XYLT1: variants seen among roughly 807,000 people sequenced by gnomAD.
XYLT1 encodes the protein xylosyltransferase 1, also known as beta-D-xylosyltransferase 1.
A neutral mutation model predicts 91.3 loss-of-function variants in XYLT1; 36 were observed. That is an observed-to-expected ratio of 0.39 (90% CI 0.30 to 0.52). The LOEUF (loss-of-function observed/expected upper bound fraction) is 0.52, where lower values mean the gene tolerates loss of function less well. XYLT1 is among the 20% of genes least tolerant of loss of function. XYLT1 has a pLI of 0.68. For missense variants in XYLT1, 1,242 were observed against 1,284.5 expected, an observed-to-expected ratio of 0.97 and a Z score of 0.51; for synonymous variants, 588 against 532.0, an observed-to-expected ratio of 1.11 and a Z score of -1.45.
chr16:17,465,787 AT>A (rs1236782695), intron 1 of XYLT1, among the ~76,000 whole-genome samples: 18 of 152,170 alleles, frequency 1.2e-4, no homozygotes, highest in Non-Finnish European at 1.5e-4. Flanking sequence ...CATACCAAGA[AT>A]TTCCTTTTAA....
At chr16:17,464,697 T>G (rs1461825925) in intron 1 of XYLT1, among the ~76,000 whole-genome samples, 2 of 152,278 alleles carry the variant, frequency 1.3e-5, no homozygotes, top group East Asian at 3.9e-4. Context: ...ACATCATAAC[T>G]GCCATGCAGT....
intron 1 of XYLT1, among the ~76,000 whole-genome samples, chr16:17,449,959 G>A (rs770140164): frequency 3.9e-5 from 6 of 152,206 alleles, no homozygotes; most frequent in Non-Finnish European, 5.9e-5. Flanking sequence ...CCTATTGTGT[G>A]CCATTCACTG....
At chr16:17,138,302 G>T in intron 8 of XYLT1, 53 bp downstream of exon 8, 3 of 1,589,576 alleles carry the variant, frequency 1.9e-6, no homozygotes, top group Non-Finnish European at 2.6e-6. Context: ...TTCTGCAGAG[G>T]TTTGTTGGGA....
At chr16:17,348,777 C>T (rs2035180566) in intron 2 of XYLT1, among the ~76,000 whole-genome samples, 1 of 152,204 alleles carries the variant, frequency 6.6e-6, no homozygotes, top group African/African-American at 2.4e-5. Flanking sequence ...ATTCCATTAA[C>T]TAGAACCTGC....
At chr16:17,468,129 C>T (rs2036924441) in intron 1 of XYLT1, among the ~76,000 whole-genome samples, 1 of 152,168 alleles carries the variant, frequency 6.6e-6, no homozygotes, top group Non-Finnish European at 1.5e-5. Context: ...AGCCTGCCCC[C>T]TTCTGGTCTC....
intron 2 of XYLT1, among the ~76,000 whole-genome samples, chr16:17,275,974 G>A (rs2033966812): frequency 6.6e-6 from 1 of 152,100 alleles, no homozygotes; most frequent in Non-Finnish European, 1.5e-5. Context: ...AGAGGCGCCT[G>A]TAAATAAATA....
At chr16:17,204,577 G>A (rs1263836697) in intron 3 of XYLT1, among the ~76,000 whole-genome samples, 2 of 152,106 alleles carry the variant, frequency 1.3e-5, no homozygotes, top group African/African-American at 2.4e-5. Context: ...GGAAGACAGC[G>A]AGTCAGGAGA....
chr16:17,269,169 C>T (rs373852742), intron 2 of XYLT1, among the ~76,000 whole-genome samples: 6 of 151,790 alleles, frequency 4.0e-5, no homozygotes, highest in African/African-American at 1.4e-4. Flanking sequence ...TTTTCTTTTT[C>T]TTTCTTTCTT....
intron 1 of XYLT1, among the ~76,000 whole-genome samples, chr16:17,413,290 T>C (rs540046728): frequency 6.6e-6 from 1 of 152,178 alleles, no homozygotes; most frequent in Non-Finnish European, 1.5e-5. Flanking sequence ...CTTCACACCC[T>C]TCAAGGACTC....
chr16:17,299,222 G>A (rs1196380935), intron 2 of XYLT1, among the ~76,000 whole-genome samples: 1 of 152,118 alleles, frequency 6.6e-6, no homozygotes, highest in African/African-American at 2.4e-5. Context: ...AATGCACGTG[G>A]TTAACCCACC....
In XYLT1 at chr16:17,312,546, A is replaced by T. The variant is rs544032799; in HGVS notation, c.402+45466T>A. Among the ~76,000 whole-genome samples, 1 of 152,160 alleles carries T rather than the reference A, an allele frequency of 6.6e-6. No individual in the cohort carries two copies. Among genetic ancestry groups the T allele is most frequent in the East Asian group, 1.9e-4 (1 of 5,200 alleles). On this transcript the variant is annotated intron_variant, in intron 2 of 11. Coordinates refer to ENST00000261381, the MANE Select transcript of XYLT1 (RefSeq NM_022166.4). This position sits in a 1 kb window ranked among gnomAD's most constrained non-coding sequence, Gnocchi z 4.4. Reference sequence around the variant, plus strand: ...GCACTCCCTCACCCAGCTTCCCCCAATGGTGACATCTTATGTAACTGCAGT... The same window carrying T: ...GCACTCCCTCACCCAGCTTCCCCCATTGGTGACATCTTATGTAACTGCAGT...
intron 3 of XYLT1, 23 bp from the exon 4 acceptor site, chr16:17,200,677 G>C: frequency 6.2e-6 from 10 of 1,603,940 alleles, no homozygotes; most frequent in Non-Finnish European, 8.5e-6. Flanking sequence ...CAAGAGAACA[G>C]AGAGGAGAAA....
intron 5 of XYLT1, among the ~76,000 whole-genome samples, chr16:17,197,517 T>C (rs906244551): frequency 6.6e-6 from 1 of 152,206 alleles, no homozygotes; most frequent in African/African-American, 2.4e-5. Flanking sequence ...TCTGGCCATG[T>C]CTGTGAGGGT....
intron 5 of XYLT1, among the ~76,000 whole-genome samples, chr16:17,192,413 C>T (rs1443813930): frequency 6.6e-6 from 1 of 152,140 alleles, no homozygotes; most frequent in African/African-American, 2.4e-5. Context: ...AGGTCTCTTA[C>T]TACAAGTCCA....
chr16:17,281,234 G>A (rs540274643), intron 2 of XYLT1, among the ~76,000 whole-genome samples: 42 of 152,210 alleles, frequency 2.8e-4, no homozygotes, highest in East Asian at 2.1e-3. Context: ...CCCAGTGCCC[G>A]GTCACGCCCG....
At chr16:17,302,326 G>C (rs936765994) in intron 2 of XYLT1, among the ~76,000 whole-genome samples, 1 of 152,130 alleles carries the variant, frequency 6.6e-6, no homozygotes, top group East Asian at 1.9e-4. Flanking sequence ...ATAAGATGTC[G>C]AGTCTAGACC....
intron 5 of XYLT1, chr16:17,194,204 T>A (rs1049727489): frequency 6.6e-6 from 1 of 152,170 alleles, no homozygotes; most frequent in Admixed American, 6.5e-5. Flanking sequence ...TATTATTGTA[T>A]CCTGATTTCA....
At chr16:17,260,976 G>T (rs1326084677) in intron 2 of XYLT1, among the ~76,000 whole-genome samples, 4 of 152,130 alleles carry the variant, frequency 2.6e-5, no homozygotes, top group Non-Finnish European at 5.9e-5. Flanking sequence ...GCTCACACCT[G>T]TAATCCCAGT....
intron 1 of XYLT1, among the ~76,000 whole-genome samples, chr16:17,457,939 A>C (rs1394314469): frequency 6.6e-6 from 1 of 152,262 alleles, no homozygotes; most frequent in Non-Finnish European, 1.5e-5. Flanking sequence ...AGAAGAAAAA[A>C]AAGAATAACT....
Sources: allele counts gnomAD v4.1 joint callset (sites outside exome capture counted in the v4.1 genomes callset), GRCh38; gene constraint gnomAD v4.1.1; non-coding constraint Gnocchi (gnomAD v3.1); transcripts MANE v1.5; gene names NCBI Gene and HGNC (gene_info 2026-07-23, HGNC 2026-07-21).